The following KCNA6 variants were observed in gnomAD, a reference collection of about 807,000 sequenced individuals.
The protein encoded by KCNA6 is potassium voltage-gated channel subfamily A member 6, also known as human brain potassium channel-2.
In KCNA6, 17 loss-of-function variants were observed where a neutral mutation model predicts 29.5. The ratio of observed to expected loss-of-function variants is 0.58; its 90% CI spans 0.39 to 0.86. The LOEUF is 0.86. Among genes scored for constraint, KCNA6 ranks in the 40% least tolerant of loss-of-function variants. The pLI is 0.00. For synonymous variants in KCNA6, 296 were observed against 304.7 expected, an observed-to-expected ratio of 0.97 and a Z score of 0.30; for missense variants, 450 against 703.4, an observed-to-expected ratio of 0.64 and a Z score of 4.07.
the KCNA6 span, among the ~76,000 whole-genome samples, chr12:4,823,338 G>A: frequency 6.8e-4 from 104 of 152,006 alleles, 2 homozygotes; most frequent in African/African-American, 2.4e-3. Context: ...TTCTTCCAGC[G>A]GAAGGAAGAG....
chr12:4,830,693 C>A, the KCNA6 span, among the ~76,000 whole-genome samples: 3 of 152,238 alleles, frequency 2.0e-5, no homozygotes, highest in African/African-American at 4.8e-5. Flanking sequence ...CAGGCTGTAT[C>A]TTGGAGAGGC....
At chr12:4,846,788 T>TTA in the KCNA6 span, among the ~76,000 whole-genome samples, 1 of 84,598 alleles carries the variant, frequency 1.2e-5, no homozygotes, top group Non-Finnish European at 2.6e-5. Flanking sequence ...TTTTTTTTTT[T>TTA]TTTAATTTGA....
At position 4,810,102 on chromosome 12, in the gene KCNA6, G is replaced by A. The variant is rs1946608845; in HGVS notation, c.61G>A (p.Glu21Lys). 1 of 1,576,594 alleles carries A rather than the reference G, an allele frequency of 6.3e-7. No homozygotes were observed. Among genetic ancestry groups the A allele is most frequent in the Non-Finnish European group, 8.6e-7 (1 of 1,163,872 alleles). Residue 21 changes from glutamate (E) to lysine (K), a missense_variant, in exon 1 of 1, where the codon GAG becomes AAG. Physicochemically the swap from Glu to Lys is moderately conservative, Grantham distance 56. Coordinates refer to ENST00000280684, the Ensembl canonical transcript of KCNA6. The surrounding 1 kb of genome is among the most constrained non-coding windows in gnomAD (Gnocchi z 7.5). ...GGGGGAGGTCCGTGGGCCGGAGGGA[G>A]AGCAACAGGATGCGGGAGACTTCCC...
the KCNA6 span, among the ~76,000 whole-genome samples, chr12:4,824,795 C>T: frequency 6.6e-6 from 1 of 152,190 alleles, no homozygotes; most frequent in Non-Finnish European, 1.5e-5. Context: ...ATTATAATAC[C>T]AATCTGTGGA....
chr12:4,823,504 T>C, the KCNA6 span, among the ~76,000 whole-genome samples: 8 of 152,036 alleles, frequency 5.3e-5, no homozygotes, highest in African/African-American at 1.7e-4. Context: ...CAGTGGCTCA[T>C]GCCTGTAATC....
chr12:4,813,419 C>G (rs1946651842), downstream of KCNA6: 1 of 167,114 alleles, frequency 6.0e-6, no homozygotes, highest in Non-Finnish European at 1.5e-5. Flanking sequence ...TTAGTTATCC[C>G]CATACCCCCA....
chr12:4,847,940 C>T, the KCNA6 span, among the ~76,000 whole-genome samples: 1 of 152,102 alleles, frequency 6.6e-6, no homozygotes, highest in Non-Finnish European at 1.5e-5. Context: ...AAAATATTCT[C>T]CAACTGCCTG....
the KCNA6 span, among the ~76,000 whole-genome samples, chr12:4,839,571 C>T: frequency 6.6e-6 from 1 of 152,162 alleles, no homozygotes; most frequent in Non-Finnish European, 1.5e-5. Context: ...TTCAACCGCT[C>T]AGGGGTCGGC....
chr12:4,821,620 A>G, the KCNA6 span, among the ~76,000 whole-genome samples: 1 of 152,130 alleles, frequency 6.6e-6, no homozygotes, highest in Admixed American at 6.5e-5. Flanking sequence ...GCCACATGGG[A>G]CACAACATTA....
At chr12:4,843,444 T>G in the KCNA6 span, among the ~76,000 whole-genome samples, 1 of 152,160 alleles carries the variant, frequency 6.6e-6, no homozygotes, top group Non-Finnish European at 1.5e-5. Flanking sequence ...CCTCCCAAAG[T>G]GCTGGGACTA....
the KCNA6 span, among the ~76,000 whole-genome samples, chr12:4,846,001 G>A: frequency 3.9e-5 from 2 of 51,352 alleles, no homozygotes; most frequent in African/African-American, 1.7e-4. Flanking sequence ...TTTTTTTTTT[G>A]GAATATTTGC....
rs535822231 is a variant in KCNA6, at chr12:4,811,952, A to C, written c.*321A>C. The C allele has an allele frequency of 1.3e-5, 4 of 302,126 alleles. No homozygotes were observed. The highest frequency in any genetic ancestry group is 6.5e-5 in the African/African-American group (3 of 46,398). 18.7% of individuals were successfully genotyped at this position (302,126 alleles called of 1,614,324 possible). A position where few individuals can be genotyped will look rare whatever the true frequency, so the allele number is the denominator to read the frequency against. ...TGATTTTTCATGTCTGGGACTTACAATATCTCAAGGAACAGCAATGTCAAC... is the reference window on the plus strand; with the variant it reads ...TGATTTTTCATGTCTGGGACTTACACTATCTCAAGGAACAGCAATGTCAAC... On this transcript the variant is annotated 3_prime_UTR_variant, in exon 1 of 1. Coordinates refer to ENST00000280684, the Ensembl canonical transcript of KCNA6. This position sits in a 1 kb window ranked among gnomAD's most constrained non-coding sequence, Gnocchi z 7.1.
At chr12:4,823,247 A>G in the KCNA6 span, among the ~76,000 whole-genome samples, 8,802 of 152,126 alleles carry the variant, frequency 0.058, 277 homozygotes, top group African/African-American at 0.088. Context: ...AAACTACACA[A>G]TATAGTTAAA....
At chr12:4,834,860 A>G in the KCNA6 span, among the ~76,000 whole-genome samples, 1 of 152,266 alleles carries the variant, frequency 6.6e-6, no homozygotes, top group Middle Eastern at 3.4e-3. Context: ...AAGTGGTTCT[A>G]AGCCCTCTTA....
chr12:4,844,224 C>T, the KCNA6 span, among the ~76,000 whole-genome samples: 1 of 152,170 alleles, frequency 6.6e-6, no homozygotes, highest in Admixed American at 6.5e-5. The surrounding 1 kb of genome is among the most constrained non-coding windows in gnomAD (Gnocchi z 4.0). Flanking sequence ...AATTCCCTGT[C>T]CTCGTGGTGC....
the KCNA6 span, among the ~76,000 whole-genome samples, chr12:4,827,194 T>TTCCTTCCC: frequency 5.5e-5 from 3 of 54,896 alleles, no homozygotes; most frequent in Admixed American, 2.2e-4. Context: ...CCCTCCTTCC[T>TTCCTTCCC]TCCTTCCTTC....
chr12:4,823,637 G>C, the KCNA6 span, among the ~76,000 whole-genome samples: 1,399 of 152,232 alleles, frequency 9.2e-3, 21 homozygotes, highest in African/African-American at 0.032. Context: ...TGTGGTGGCA[G>C]ATTTCTGTAA....
chr12:4,827,232 C>T, the KCNA6 span, among the ~76,000 whole-genome samples: 8 of 147,750 alleles, frequency 5.4e-5, no homozygotes, highest in Non-Finnish European at 9.0e-5. Flanking sequence ...TTCCTTCCTC[C>T]TTCCTTCCTT....
At chr12:4,822,309 C>A in the KCNA6 span, among the ~76,000 whole-genome samples, 3 of 152,158 alleles carry the variant, frequency 2.0e-5, no homozygotes, top group Non-Finnish European at 4.4e-5. Context: ...CTGGTGCTTG[C>A]GGCCATACTC....
Sources: gnomAD v4.1 joint callset for allele counts (sites outside exome capture counted in the v4.1 genomes callset) on GRCh38, gnomAD v4.1.1 for gene constraint, Gnocchi (gnomAD v3.1) non-coding constraint, MANE v1.5 for transcripts, NCBI Gene and HGNC (gene_info 2026-07-23, HGNC 2026-07-21) for gene names.